The following SHB variants were observed in gnomAD, a reference collection of about 807,000 sequenced individuals.
SHB encodes the protein SH2 domain containing adaptor protein B.
In SHB, 20 loss-of-function variants were observed where a neutral mutation model predicts 52.3. The ratio of observed to expected loss-of-function variants is 0.38; its 90% CI spans 0.27 to 0.56. SHB has a LOEUF of 0.56. Among genes scored for constraint, SHB ranks in the 20% least tolerant of loss-of-function variants. SHB has a pLI of 0.71. For synonymous variants in SHB, 397 were observed against 316.5 expected (o/e 1.25, Z -2.70); for missense variants, 825 against 723.3 (o/e 1.14, Z -1.61).
chr9:38,058,871 C>A (rs181585580), intron 1 of SHB, among the ~76,000 whole-genome samples: 1 of 152,304 alleles, frequency 6.6e-6, no homozygotes, highest in Admixed American at 6.5e-5. Flanking sequence ...CAACTCTTAG[C>A]AAGGCCCTCT....
At chr9:38,053,050 A>G (rs978556352) in intron 1 of SHB, among the ~76,000 whole-genome samples, 2 of 152,080 alleles carry the variant, frequency 1.3e-5, no homozygotes, top group Non-Finnish European at 2.9e-5. Flanking sequence ...TTTCTATGAC[A>G]GTAGAGACCT....
chr9:37,961,911 A>G (rs1038330730), intron 3 of SHB, among the ~76,000 whole-genome samples: 5 of 152,114 alleles, frequency 3.3e-5, no homozygotes, highest in African/African-American at 1.2e-4. Flanking sequence ...GTCTCCTCGG[A>G]GTCTCCCCAT....
intron 2 of SHB, among the ~76,000 whole-genome samples, chr9:38,010,666 T>C (rs562791218): frequency 1.3e-5 from 2 of 152,304 alleles, no homozygotes; most frequent in African/African-American, 4.8e-5. Flanking sequence ...GAGAGCCACA[T>C]GCTCATCTCA....
In SHB at chr9:38,068,179, G is replaced by A. The variant is rs781249635; in HGVS notation, c.467C>T (p.Ser156Phe). 5.0e-6 allele frequency: 7 copies of A among 1,413,740 alleles called. No individual in the cohort carries two copies. In the Admixed American group the frequency reaches 1.4e-4, roughly 29 times the overall value. 87.6% of individuals were successfully genotyped at this position (1,413,740 alleles called of 1,614,324 possible). A position where few individuals can be genotyped will look rare whatever the true frequency, so the allele number is the denominator to read the frequency against. ...AGAAASSSSS[S>F]GSPHLYRSSS... The stretch of plus-strand genomic sequence containing the variant: ...GCTGCGGTAGAGATGCGGAGAGCCG[G>A]AGGACGAGGACGAGGACGCGGCGGC... Residue 156 changes from serine (S) to phenylalanine (F), a missense_variant, in exon 1 of 6, where the codon TCC becomes TTC. By Grantham distance (155) the Ser-to-Phe change is radical. Coordinates refer to ENST00000377707, the MANE Select transcript of SHB (RefSeq NM_003028.3).
At chr9:37,988,901 C>T (rs946236422) in intron 2 of SHB, among the ~76,000 whole-genome samples, 1 of 152,208 alleles carries the variant, frequency 6.6e-6, no homozygotes, top group Non-Finnish European at 1.5e-5. Flanking sequence ...TGCCTTCAGA[C>T]TTGAACTACA....
At chr9:37,929,776 TAAGG>T (rs1832292643) in intron 5 of SHB, among the ~76,000 whole-genome samples, 4 of 152,196 alleles carry the variant, frequency 2.6e-5, no homozygotes, top group Admixed American at 2.0e-4. Context: ...CCACAGTCTC[TAAGG>T]CACACTGTTG....
intron 4 of SHB, among the ~76,000 whole-genome samples, chr9:37,951,466 A>C (rs1446965301): frequency 6.6e-6 from 1 of 152,240 alleles, no homozygotes; most frequent in Non-Finnish European, 1.5e-5. Context: ...CGGAAGTAAG[A>C]GTTAACAGGT....
chr9:37,993,569 A>C (rs1820909987), intron 2 of SHB, among the ~76,000 whole-genome samples: 1 of 152,202 alleles, frequency 6.6e-6, no homozygotes, highest in South Asian at 2.1e-4. Flanking sequence ...AATAATAATA[A>C]AAAGAAATTA....
intron 1 of SHB, among the ~76,000 whole-genome samples, chr9:38,050,082 C>T (rs1044529852): frequency 7.2e-5 from 11 of 152,198 alleles, no homozygotes; most frequent in Admixed American, 2.0e-4. Context: ...TAAGCCACTG[C>T]GCCCAGCCAA....
At chr9:38,061,530 G>A (rs1296707480) in intron 1 of SHB, among the ~76,000 whole-genome samples, 2 of 152,144 alleles carry the variant, frequency 1.3e-5, no homozygotes, top group Admixed American at 6.5e-5. Context: ...GCTAATCAGG[G>A]GAAGGCTTGA....
chr9:37,958,563 C>A (rs868798042), intron 3 of SHB, among the ~76,000 whole-genome samples: 7 of 152,316 alleles, frequency 4.6e-5, no homozygotes, highest in South Asian at 2.1e-4. Flanking sequence ...GGGGTTCCTG[C>A]CCTTCCTTCT....
At chr9:37,978,443 G>C (rs1820679899) in intron 2 of SHB, among the ~76,000 whole-genome samples, 1 of 152,210 alleles carries the variant, frequency 6.6e-6, no homozygotes, top group South Asian at 2.1e-4. Flanking sequence ...GTAAATTATG[G>C]CATGTTAACT....
chr9:38,031,213 T>C (rs886616432), intron 1 of SHB, among the ~76,000 whole-genome samples: 1 of 151,976 alleles, frequency 6.6e-6, no homozygotes, highest in African/African-American at 2.4e-5. Context: ...CCCAGCTACT[T>C]GGGAGACTGA....
chr9:37,968,888 A>C (rs1820561893), intron 3 of SHB, among the ~76,000 whole-genome samples: 1 of 151,762 alleles, frequency 6.6e-6, no homozygotes, highest in Non-Finnish European at 1.5e-5. Context: ...AGGGAGTGGG[A>C]CTCTATGGTA....
At chr9:38,050,481 A>C (rs2118164445) in intron 1 of SHB, among the ~76,000 whole-genome samples, 1 of 152,336 alleles carries the variant, frequency 6.6e-6, no homozygotes, top group African/African-American at 2.4e-5. Context: ...CTGCAAGGGA[A>C]GCCCTGATTT....
intron 1 of SHB, among the ~76,000 whole-genome samples, chr9:38,045,089 T>C (rs1231675446): frequency 3.9e-5 from 6 of 152,114 alleles, no homozygotes; most frequent in Non-Finnish European, 7.4e-5. Context: ...CTGGCTGTCA[T>C]GGAAGGGATG....
chr9:38,026,107 C>T (rs927034919), intron 1 of SHB, among the ~76,000 whole-genome samples: 4 of 152,242 alleles, frequency 2.6e-5, no homozygotes, highest in Non-Finnish European at 5.9e-5. Flanking sequence ...TAACGTAAGG[C>T]TCTGTACAGT....
At chr9:38,031,950 CACAAGACACCTCA>C (rs1237462355) in intron 1 of SHB, among the ~76,000 whole-genome samples, 1 of 152,168 alleles carries the variant, frequency 6.6e-6, no homozygotes, top group East Asian at 1.9e-4. Flanking sequence ...ACTTGGCTAT[CACAAGACACCTCA>C]ACCTACCACC....
At chr9:37,946,008 C>G (rs1832486695) in intron 5 of SHB, among the ~76,000 whole-genome samples, 1 of 152,110 alleles carries the variant, frequency 6.6e-6, no homozygotes, top group Non-Finnish European at 1.5e-5. Flanking sequence ...GGGCTGACCC[C>G]AGGAAACAGG....
Sources: allele counts gnomAD v4.1 joint callset (sites outside exome capture counted in the v4.1 genomes callset), GRCh38; gene constraint gnomAD v4.1.1; transcripts MANE v1.5; gene names NCBI Gene and HGNC (gene_info 2026-07-23, HGNC 2026-07-21).